PCDHA2: variants seen among roughly 807,000 people sequenced by gnomAD.
PCDHA2 encodes the protein protocadherin alpha-2.
In PCDHA2, 58 loss-of-function variants were observed where a neutral mutation model predicts 66.0. The ratio of observed to expected loss-of-function variants is 0.88; its 90% CI spans 0.71 to 1.09. The LOEUF (loss-of-function observed/expected upper bound fraction) is 1.09, where lower values mean the gene tolerates loss of function less well. PCDHA2 is among the 50% of genes least tolerant of loss of function. The probability of loss-of-function intolerance (pLI) is 0.00; values close to 1 mark genes in which losing one functional copy is unlikely to be tolerated. For missense variants in PCDHA2, 1,267 were observed against 1,242.3 expected (o/e 1.02, Z -0.30); for synonymous variants, 634 against 554.0 (o/e 1.14, Z -2.03).
At chr5:140,912,882 T>A (rs2153523481) in intron 1 of PCDHA2, among the ~76,000 whole-genome samples, 1 of 152,362 alleles carries the variant, frequency 6.6e-6, no homozygotes, top group South Asian at 2.1e-4. Context: ...TTGGTCTTCA[T>A]TCTGTTGATA....
Position 140,877,092 on chromosome 5 carries a change from C to T in PCDHA2, c.2388+79740C>T, listed in dbSNP as rs200462899. On this transcript the variant is annotated intron_variant, in intron 1 of 3. Coordinates refer to ENST00000526136, the MANE Select transcript of PCDHA2 (RefSeq NM_018905.3). ...AGTTCCAGGTGAGCGCGCGCGACGCCGGCGTGCCGCCTCTGGGCAGCAACG... is the reference window on the plus strand; with the variant it reads ...AGTTCCAGGTGAGCGCGCGCGACGCTGGCGTGCCGCCTCTGGGCAGCAACG... The T allele has an allele frequency of 2.9e-3, 4,637 of 1,613,220 alleles. 21 individuals carry two copies. Among genetic ancestry groups the T allele is most frequent in the African/African-American group, 0.01 (785 of 75,014 alleles).
At chr5:140,966,724 CGCCTCCGGCCCTGCCCGGCT>C (rs1563354102) in intron 1 of PCDHA2, 1 of 1,396,284 alleles carries the variant, frequency 7.2e-7, no homozygotes, top group Admixed American at 3.3e-5. Flanking sequence ...GGGAAGCTGC[CGCCTCCGGCCCTGCCCGGCT>C]GCCTCCGCCG....
chr5:140,908,155 G>A (rs559304647), intron 1 of PCDHA2, among the ~76,000 whole-genome samples: 3 of 152,312 alleles, frequency 2.0e-5, no homozygotes, highest in East Asian at 3.9e-4. Flanking sequence ...TCCTAGGAAG[G>A]GGCTGTAGTG....
chr5:140,823,576 G>T (rs2150127070), intron 1 of PCDHA2: 2 of 1,613,976 alleles, frequency 1.2e-6, no homozygotes, highest in Non-Finnish European at 1.7e-6. Context: ...CCCTGATTCG[G>T]GCTACAACGC....
Position 140,842,608 on chromosome 5 carries a change from C to G in PCDHA2, c.2388+45256C>G. On this transcript the variant is annotated intron_variant, in intron 1 of 3. Transcript: ENST00000526136. ...ATGAGTTGGTGGTAACCGCGCGGGACGGGGGCTCGCCTTCGCTGTGGGCCA... is the reference window on the plus strand; with the variant it reads ...ATGAGTTGGTGGTAACCGCGCGGGAGGGGGGCTCGCCTTCGCTGTGGGCCA... The G allele has an allele frequency of 1.9e-6, 3 of 1,557,216 alleles. No homozygotes were observed. The East Asian group carries it at 6.8e-5, about 35-fold the overall frequency.
intron 1 of PCDHA2, chr5:140,808,623 C>T (rs1181544885): frequency 6.2e-7 from 1 of 1,613,574 alleles, no homozygotes; most frequent in Non-Finnish European, 8.5e-7. Context: ...ACTGTGTCTG[C>T]GTGGGACGCG....
intron 1 of PCDHA2, chr5:140,928,228 C>T: frequency 6.2e-7 from 1 of 1,614,218 alleles, no homozygotes; most frequent in Non-Finnish European, 8.5e-7. Context: ...ACCAAACTTT[C>T]CTCAACCCCA....
At chr5:140,906,540 A>T (rs1375015616) in intron 1 of PCDHA2, among the ~76,000 whole-genome samples, 4 of 152,232 alleles carry the variant, frequency 2.6e-5, no homozygotes, top group African/African-American at 9.6e-5. Context: ...TAAAATCCTC[A>T]TTTCTGCAAC....
chr5:140,883,306 C>T (rs2059544095), intron 1 of PCDHA2: 2 of 1,614,050 alleles, frequency 1.2e-6, no homozygotes, highest in Non-Finnish European at 8.5e-7. Context: ...TAAATGATAA[C>T]GCCCCAGAGG....
chr5:140,927,484 A>G (rs1554204601), intron 1 of PCDHA2: 2 of 1,613,906 alleles, frequency 1.2e-6, no homozygotes, highest in East Asian at 2.2e-5. Flanking sequence ...ACAGCGCGCC[A>G]CCCACCTGCT....
chr5:140,850,659 C>G (rs782752701), intron 1 of PCDHA2: 1 of 1,598,246 alleles, frequency 6.3e-7, no homozygotes, highest in African/African-American at 1.3e-5. Context: ...CACTGTGCTG[C>G]GGTGCTCGGC....
chr5:140,977,610 A>G (rs1056611698), intron 1 of PCDHA2, among the ~76,000 whole-genome samples: 1 of 152,196 alleles, frequency 6.6e-6, no homozygotes, highest in Non-Finnish European at 1.5e-5. Context: ...CCATTGAGGT[A>G]AAGTATCCCA....
chr5:140,842,657 G>A lies in PCDHA2; in HGVS notation c.2388+45305G>A, dbSNP rs2150341261. 6 of 1,595,442 alleles carry A rather than the reference G, an allele frequency of 3.8e-6. No individual in the cohort carries two copies. In the Admixed American group the frequency reaches 5.1e-5, roughly 13 times the overall value. ...CACCGCCAGCTTGTCTGTGGAGGTG[G>A]CCGACGTGAACGACAATGCTCCGGC... On this transcript the variant is annotated intron_variant, in intron 1 of 3. Transcript: ENST00000526136.
intron 1 of PCDHA2, chr5:140,882,248 CTG>C (rs1554173227): frequency 1.3e-6 from 2 of 1,594,792 alleles, no homozygotes; most frequent in Non-Finnish European, 1.7e-6. Context: ...GCAGATAGCT[CTG>C]AGGTTTTTGG....
At chr5:140,809,415 G>T (rs145922941) in intron 1 of PCDHA2, 3 of 1,614,124 alleles carry the variant, frequency 1.9e-6, no homozygotes, top group South Asian at 2.2e-5. Context: ...GTGTGCTCCA[G>T]TGCGGTGGGG....
rs155802 is a variant in PCDHA2, at chr5:140,917,330, A to C, written c.2389-61619A>C. 5.0e-3 allele frequency among the ~76,000 whole-genome samples: 514 copies of C among 103,230 alleles called. 31 individuals carry two copies. The highest frequency in any genetic ancestry group is 8.4e-3 in the Non-Finnish European group (403 of 48,222). The allele number at this position is 103,230 out of a possible 152,430, so 67.7% of individuals were successfully genotyped here. A position where few individuals can be genotyped will look rare whatever the true frequency, so the allele number is the denominator to read the frequency against. On this transcript the variant is annotated intron_variant, in intron 1 of 3. Coordinates refer to ENST00000526136, the MANE Select transcript of PCDHA2 (RefSeq NM_018905.3). ...CAATTTGGTGTTCATGTGGCGGGGG[A>C]GGGGGGGGATGGTGTAGGCTTCTGT...
At chr5:140,802,310 G>A in intron 1 of PCDHA2, 3 of 1,614,222 alleles carry the variant, frequency 1.9e-6, no homozygotes, top group Non-Finnish European at 1.7e-6. Flanking sequence ...TCATCGCTCT[G>A]ATCAGCGTGT....
chr5:140,915,886 T>A (rs1259377999), intron 1 of PCDHA2, among the ~76,000 whole-genome samples: 2 of 152,186 alleles, frequency 1.3e-5, no homozygotes, highest in African/African-American at 4.8e-5. Context: ...GGGTAGCAAG[T>A]TCCCCCTGGC....
chr5:140,950,708 T>A (rs1554219597), intron 1 of PCDHA2, among the ~76,000 whole-genome samples: 1 of 152,068 alleles, frequency 6.6e-6, no homozygotes, highest in East Asian at 1.9e-4. Context: ...AAATTTTTGT[T>A]CCTTATATCC....
Sources: gnomAD v4.1 joint callset for allele counts (sites outside exome capture counted in the v4.1 genomes callset) on GRCh38, gnomAD v4.1.1 for gene constraint, MANE v1.5 for transcripts, NCBI Gene and HGNC (gene_info 2026-07-23, HGNC 2026-07-21) for gene names.